Variants in FBXL17 observed in about 807,000 individuals in gnomAD.
FBXL17 encodes the protein F-box and leucine rich repeat protein 17, also known as F-box/LRR-repeat protein 17.
A neutral mutation model predicts 66.2 loss-of-function variants in FBXL17; 22 were observed. The observed-to-expected ratio is 0.33, with a 90% CI of 0.24 to 0.47. The LOEUF is 0.47. Among genes scored for constraint, FBXL17 ranks in the 20% least tolerant of loss-of-function variants. The probability of loss-of-function intolerance (pLI) is 1.00; values close to 1 mark genes in which losing one functional copy is unlikely to be tolerated. For synonymous variants in FBXL17, 474 were observed against 400.5 expected (o/e 1.18, Z -2.19); for missense variants, 878 against 948.2 (o/e 0.93, Z 0.97).
intron 3 of FBXL17, among the ~76,000 whole-genome samples, chr5:108,358,648 T>G (rs1157014877): frequency 6.6e-6 from 1 of 152,132 alleles, no homozygotes; most frequent in Non-Finnish European, 1.5e-5. Flanking sequence ...TTGTTTGTTT[T>G]GTAGTTTCAT....
At chr5:107,922,833 T>A (rs548644457) in intron 7 of FBXL17, among the ~76,000 whole-genome samples, 156 of 152,266 alleles carry the variant, frequency 1.0e-3, no homozygotes, top group African/African-American at 3.7e-3. Context: ...CAGGCCTACA[T>A]ATAAATGATG....
intron 6 of FBXL17, among the ~76,000 whole-genome samples, chr5:108,141,973 C>T (rs1751367834): frequency 6.6e-6 from 1 of 152,202 alleles, no homozygotes; most frequent in African/African-American, 2.4e-5. Context: ...GTTTGACTCA[C>T]TCTCTGTGTT....
intron 6 of FBXL17, among the ~76,000 whole-genome samples, chr5:108,039,585 T>C (rs1051309787): frequency 6.6e-6 from 1 of 152,132 alleles, no homozygotes; most frequent in Non-Finnish European, 1.5e-5. Context: ...CAAAGTTATG[T>C]AAAATATTCA....
chr5:108,169,013 C>T (rs969522503), intron 6 of FBXL17, among the ~76,000 whole-genome samples: 7 of 152,208 alleles, frequency 4.6e-5, no homozygotes, highest in Admixed American at 3.9e-4. Flanking sequence ...TAAACAGCTA[C>T]ATTTGTCACA....
chr5:108,006,049 G>A (rs1354080517), intron 7 of FBXL17, among the ~76,000 whole-genome samples: 1 of 152,164 alleles, frequency 6.6e-6, no homozygotes, highest in Non-Finnish European at 1.5e-5. Flanking sequence ...TGAGCACACT[G>A]TGCCAAGGGT....
chr5:107,913,085 GATTAGCTTTTTACACAATA>G lies in FBXL17; in HGVS notation c.1823-31925_1823-31907del, dbSNP rs376171266. Among the ~76,000 whole-genome samples, 1,099 of 152,094 alleles carry G rather than the reference GATTAGCTTTTTACACAATA, an allele frequency of 7.2e-3. 4 individuals carry two copies. The highest frequency in any genetic ancestry group is 0.016 in the South Asian group (79 of 4,796). The stretch of plus-strand genomic sequence containing the variant: ...TTATTTATTTTTTTATCTTAACAAT[GATTAGCTTTTTACACAATA>G]GGCTCACAATACATATGGAGAGTTG... On this transcript the variant is annotated intron_variant, in intron 7 of 8. Coordinates refer to ENST00000542267, the MANE Select transcript of FBXL17 (RefSeq NM_001163315.3).
At chr5:108,332,941 C>CAAAAAAA (rs34218940) in intron 4 of FBXL17, among the ~76,000 whole-genome samples, 730 of 34,382 alleles carry the variant, frequency 0.021, 2 homozygotes, top group Middle Eastern at 0.031. Flanking sequence ...AAAGCAAAAG[C>CAAAAAAA]AAAAAAAAAA....
rs145520109 is a variant in FBXL17 at position 107,985,530 on chromosome 5, C to T, written c.1822+35395G>A. ...GCCTATGATGTGTGTTTTCAGATTG[C>T]CCTAAGTGGACCTTCTTAAATTAGT... is the stretch of plus-strand genomic sequence containing the variant. On this transcript the variant is annotated intron_variant, in intron 7 of 8. Transcript: ENST00000542267. 4.5e-4 allele frequency among the ~76,000 whole-genome samples: 69 copies of T among 152,252 alleles called. 2 individuals are homozygous for T. In the East Asian group the frequency reaches 0.012, roughly 26 times the overall value.
intron 6 of FBXL17, among the ~76,000 whole-genome samples, chr5:108,152,264 T>C (rs986719198): frequency 2.0e-5 from 3 of 152,216 alleles, no homozygotes; most frequent in Admixed American, 2.0e-4. Flanking sequence ...CATTTTAAAT[T>C]AACGCTGCTG....
At chr5:108,194,309 T>C (rs998149803) in intron 5 of FBXL17, among the ~76,000 whole-genome samples, 14 of 152,138 alleles carry the variant, frequency 9.2e-5, no homozygotes, top group African/African-American at 2.9e-4. Context: ...TCTCCCTTCC[T>C]CTTATTCCAC....
chr5:108,176,051 T>A (rs959600282), intron 6 of FBXL17, among the ~76,000 whole-genome samples: 2 of 152,178 alleles, frequency 1.3e-5, no homozygotes, highest in Non-Finnish European at 2.9e-5. Context: ...ATAAGACAAC[T>A]CCTGGGAGAA....
chr5:108,330,277 T>C (rs180883086), intron 4 of FBXL17, among the ~76,000 whole-genome samples: 48 of 152,350 alleles, frequency 3.2e-4, no homozygotes, highest in African/African-American at 1.0e-3. Context: ...ATGAACCACG[T>C]GATAACTTTT....
At chr5:108,154,619 A>T in intron 6 of FBXL17, among the ~76,000 whole-genome samples, 1 of 115,172 alleles carries the variant, frequency 8.7e-6, no homozygotes, top group Non-Finnish European at 1.7e-5. Context: ...ATATATATAC[A>T]CACACACACA....
chr5:108,094,229 A>C (rs1749289714), intron 6 of FBXL17, among the ~76,000 whole-genome samples: 2 of 152,156 alleles, frequency 1.3e-5, no homozygotes, highest in South Asian at 4.1e-4. Context: ...CATTTAGTTA[A>C]TCAAAAAGCA....
chr5:108,182,639 A>C (rs1234101259), intron 6 of FBXL17, among the ~76,000 whole-genome samples: 1 of 152,216 alleles, frequency 6.6e-6, no homozygotes, highest in Non-Finnish European at 1.5e-5. Context: ...TCTTGCAAAT[A>C]AATCTCTACA....
intron 4 of FBXL17, among the ~76,000 whole-genome samples, chr5:108,291,729 T>C (rs1274840867): frequency 6.6e-6 from 1 of 152,160 alleles, no homozygotes; most frequent in Non-Finnish European, 1.5e-5. Context: ...ACATGTTTAC[T>C]ACTGAAGTCC....
rs761288655 is a variant in FBXL17, at chr5:108,022,079, A to G, written c.1746-1078T>C. On this transcript the variant is annotated intron_variant, in intron 6 of 8. Coordinates refer to ENST00000542267, the MANE Select transcript of FBXL17 (RefSeq NM_001163315.3). The stretch of plus-strand genomic sequence containing the variant: ...CACATAATTCATTATTGAAGGTTAA[A>G]TTAGTTATAGAGAAGACATATATGT... 9.9e-5 allele frequency among the ~76,000 whole-genome samples: 15 copies of G among 152,088 alleles called. 1 individual carries two copies. In the South Asian group the frequency reaches 2.9e-3, roughly 29 times the overall value.
intron 7 of FBXL17, among the ~76,000 whole-genome samples, chr5:107,958,559 A>G (rs974973740): frequency 1.3e-5 from 2 of 152,212 alleles, no homozygotes; most frequent in East Asian, 3.9e-4. Flanking sequence ...ACTGAAACAT[A>G]GATGACTTAG....
intron 7 of FBXL17, among the ~76,000 whole-genome samples, chr5:107,926,382 T>C (rs982575743): frequency 6.6e-6 from 1 of 152,068 alleles, no homozygotes; most frequent in Non-Finnish European, 1.5e-5. Flanking sequence ...GCTGCTAACA[T>C]ATTTGACCTC....
Sources: allele counts gnomAD v4.1 joint callset (sites outside exome capture counted in the v4.1 genomes callset), GRCh38; gene constraint gnomAD v4.1.1; transcripts MANE v1.5; gene names NCBI Gene and HGNC (gene_info 2026-07-23, HGNC 2026-07-21).